The following CSNK2A2IP variants were observed in gnomAD, a reference collection of about 807,000 sequenced individuals.
The protein encoded by CSNK2A2IP is casein kinase 2 subunit alpha' interacting protein.
chr3:88,466,609 CAGCCCTGCATTGTTAA>C, the CSNK2A2IP span: 1 of 1,231,480 alleles, frequency 8.1e-7, no homozygotes, highest in South Asian at 4.1e-5. Context: ...AAAGTATAGT[CAGCCCTGCATTGTTAA>C]AGGTGGAACT....
At chr3:88,380,200 TA>T in the CSNK2A2IP span, among the ~76,000 whole-genome samples, 1 of 151,598 alleles carries the variant, frequency 6.6e-6, no homozygotes, top group Non-Finnish European at 1.5e-5. Context: ...AAAAACTATT[TA>T]AAAAAAAGCA....
chr3:88,412,482 C>T, the CSNK2A2IP span, among the ~76,000 whole-genome samples: 1 of 151,938 alleles, frequency 6.6e-6, no homozygotes, highest in Admixed American at 6.6e-5. Context: ...TTTCTTCATT[C>T]CTGTTTTGTA....
chr3:88,361,764 C>T, the CSNK2A2IP span, among the ~76,000 whole-genome samples: 1 of 151,900 alleles, frequency 6.6e-6, no homozygotes, highest in Non-Finnish European at 1.5e-5. Context: ...TTACTTTGCC[C>T]TTCTTCTAAA....
the CSNK2A2IP span, among the ~76,000 whole-genome samples, chr3:88,359,345 TG>T: frequency 8.2e-6 from 1 of 122,620 alleles, no homozygotes; most frequent in Non-Finnish European, 2.1e-5. Context: ...GTTTATCTTT[TG>T]TATTTTTTTG....
At chr3:88,376,607 A>T in the CSNK2A2IP span, among the ~76,000 whole-genome samples, 7 of 151,696 alleles carry the variant, frequency 4.6e-5, no homozygotes, top group Non-Finnish European at 8.8e-5. Context: ...TACTGTTTAC[A>T]TTCACTATTT....
the CSNK2A2IP span, among the ~76,000 whole-genome samples, chr3:88,416,706 A>G: frequency 1.3e-5 from 2 of 152,324 alleles, no homozygotes; most frequent in Admixed American, 1.3e-4. Flanking sequence ...TGCTCAGTTC[A>G]AGACAACATA....
chr3:88,354,062 T>C, the CSNK2A2IP span, among the ~76,000 whole-genome samples: 1 of 152,182 alleles, frequency 6.6e-6, no homozygotes, highest in African/African-American at 2.4e-5. Flanking sequence ...TGTCTCTCTC[T>C]CTTGCTCCAT....
the CSNK2A2IP span, among the ~76,000 whole-genome samples, chr3:88,449,518 C>A: frequency 2.2e-4 from 33 of 151,808 alleles, no homozygotes; most frequent in African/African-American, 7.5e-4. Flanking sequence ...GAAAAAAATT[C>A]TTTATTCTAA....
chr3:88,458,890 A>G, the CSNK2A2IP span, among the ~76,000 whole-genome samples: 2 of 152,192 alleles, frequency 1.3e-5, no homozygotes, highest in Non-Finnish European at 2.9e-5. Flanking sequence ...AAATTTATTG[A>G]CACTTGTTGT....
the CSNK2A2IP span, among the ~76,000 whole-genome samples, chr3:88,360,992 G>T: frequency 1.3e-5 from 2 of 152,004 alleles, no homozygotes; most frequent in East Asian, 3.9e-4. Flanking sequence ...ACTCTCTACA[G>T]TTTAAATCCA....
At chr3:88,451,598 T>C in the CSNK2A2IP span, among the ~76,000 whole-genome samples, 12 of 152,118 alleles carry the variant, frequency 7.9e-5, no homozygotes, top group African/African-American at 2.9e-4. Flanking sequence ...ATTTATAAAT[T>C]TTTTTCACCT....
chr3:88,389,827 T>G, the CSNK2A2IP span, among the ~76,000 whole-genome samples: 1 of 38,980 alleles, frequency 2.6e-5, no homozygotes, highest in South Asian at 1.5e-3. Flanking sequence ...AACCCTGTAC[T>G]TTTTTTTTTT....
the CSNK2A2IP span, among the ~76,000 whole-genome samples, chr3:88,414,774 T>G: frequency 4.0e-5 from 6 of 151,874 alleles, no homozygotes; most frequent in African/African-American, 1.2e-4. Context: ...TAGTAGACAG[T>G]ACAGTATATT....
chr3:88,359,710 C>T, the CSNK2A2IP span, among the ~76,000 whole-genome samples: 1 of 152,028 alleles, frequency 6.6e-6, no homozygotes, highest in Non-Finnish European at 1.5e-5. Flanking sequence ...AGTTTTGTTC[C>T]ATTGTGATCA....
chr3:88,352,691 G>T, the CSNK2A2IP span, among the ~76,000 whole-genome samples: 1 of 151,958 alleles, frequency 6.6e-6, no homozygotes, highest in Admixed American at 6.6e-5. Context: ...TGATCCTCCT[G>T]CCTCAGCTTC....
the CSNK2A2IP span, among the ~76,000 whole-genome samples, chr3:88,456,115 T>C: frequency 2.1e-4 from 32 of 152,192 alleles, no homozygotes; most frequent in South Asian, 6.4e-3. Flanking sequence ...ATTTGTAATA[T>C]AGTATGAAAT....
chr3:88,436,574 A>G, the CSNK2A2IP span, among the ~76,000 whole-genome samples: 1 of 152,170 alleles, frequency 6.6e-6, no homozygotes, highest in Non-Finnish European at 1.5e-5. Flanking sequence ...TAATTAAAAT[A>G]CAAAAGTGTA....
chr3:88,430,975 A>G, the CSNK2A2IP span, among the ~76,000 whole-genome samples: 6 of 152,316 alleles, frequency 3.9e-5, no homozygotes, highest in African/African-American at 1.4e-4. Flanking sequence ...CAAATTAGCA[A>G]TACTAAATGG....
chr3:88,436,580 G>T, the CSNK2A2IP span, among the ~76,000 whole-genome samples: 8 of 152,076 alleles, frequency 5.3e-5, no homozygotes, highest in African/African-American at 1.9e-4. Context: ...AAATACAAAA[G>T]TGTACAGACT....
Sources: allele counts gnomAD v4.1 joint callset (sites outside exome capture counted in the v4.1 genomes callset), GRCh38; gene constraint gnomAD v4.1.1; transcripts MANE v1.5; gene names NCBI Gene and HGNC (gene_info 2026-07-23, HGNC 2026-07-21).